UBE2D2: variants seen among roughly 807,000 people sequenced by gnomAD.
The protein encoded by UBE2D2 is ubiquitin-conjugating enzyme E2 D2.
A neutral mutation model predicts 24.2 loss-of-function variants in UBE2D2; 2 were observed. The ratio of observed to expected loss-of-function variants is 0.08; its 90% CI spans 0.03 to 0.26. UBE2D2 has a LOEUF of 0.26. Among genes scored for constraint, UBE2D2 ranks in the 10% least tolerant of loss-of-function variants. UBE2D2 has a pLI of 1.00. For synonymous variants in UBE2D2, 58 were observed against 56.5 expected (o/e 1.03, Z -0.12); for missense variants, 44 against 177.6 (o/e 0.25, Z 4.28).
At chr5:139,621,628 T>G (rs1419713409) in intron 5 of UBE2D2, among the ~76,000 whole-genome samples, 3 of 152,210 alleles carry the variant, frequency 2.0e-5, no homozygotes. Context: ...CTGTCTTTTT[T>G]TTTTTTCTTT....
Position 139,589,169 on chromosome 5 carries a change from G to A in UBE2D2, c.25-11203G>A, listed in dbSNP as rs114393748. On this transcript the variant is annotated intron_variant, in intron 1 of 6. Coordinates refer to ENST00000398733, the MANE Select transcript of UBE2D2 (RefSeq NM_003339.3). The stretch of plus-strand genomic sequence containing the variant: ...AGCTACTTGGGAGGCTGAAGTGGTA[G>A]AATTACTTGAGCCCAGGAATTCAAG... 9.9e-3 allele frequency among the ~76,000 whole-genome samples: 1,509 copies of A among 152,168 alleles called. 23 individuals carry two copies. Among genetic ancestry groups the A allele is most frequent in the African/African-American group, 0.034 (1,418 of 41,536 alleles).
upstream of UBE2D2, among the ~76,000 whole-genome samples, chr5:139,556,738 T>C (rs1357451704): frequency 1.3e-5 from 2 of 151,784 alleles, no homozygotes; most frequent in African/African-American, 2.4e-5. Context: ...GTAACTTTAT[T>C]CTAATAAATT....
intron 1 of UBE2D2, among the ~76,000 whole-genome samples, chr5:139,543,100 T>C (rs1252775131): frequency 6.6e-6 from 1 of 152,076 alleles, no homozygotes; most frequent in Non-Finnish European, 1.5e-5. Context: ...TTTCACCATG[T>C]TGGTCAGGCT....
At chr5:139,562,967 G>A (rs541772157) in intron 1 of UBE2D2, among the ~76,000 whole-genome samples, 2 of 152,094 alleles carry the variant, frequency 1.3e-5, no homozygotes, top group East Asian at 3.9e-4. Flanking sequence ...AGTGGAGAAC[G>A]GGGTCTTGCC....
intron 2 of UBE2D2, chr5:139,611,858 C>T (rs1399681578): frequency 2.0e-5 from 3 of 152,218 alleles, no homozygotes; most frequent in African/African-American, 7.2e-5. Flanking sequence ...ATTTCTGTCC[C>T]CTGTTTTTCC....
chr5:139,606,392 A>T (rs1228488552), intron 2 of UBE2D2, among the ~76,000 whole-genome samples: 1 of 151,764 alleles, frequency 6.6e-6, no homozygotes, highest in Non-Finnish European at 1.5e-5. Context: ...CGAACTCCTG[A>T]CCTCAGGTGA....
At chr5:139,573,278 G>T (rs1753393219) in intron 1 of UBE2D2, among the ~76,000 whole-genome samples, 1 of 148,248 alleles carries the variant, frequency 6.7e-6, no homozygotes, top group Non-Finnish European at 1.5e-5. Flanking sequence ...CTCCAGCCTG[G>T]ACGACAGAGC....
intron 1 of UBE2D2, among the ~76,000 whole-genome samples, chr5:139,595,633 C>T (rs535924340): frequency 6.6e-6 from 1 of 152,052 alleles, no homozygotes; most frequent in African/African-American, 2.4e-5. Flanking sequence ...TGTGCCCAGC[C>T]ATGATGACAA....
intron 1 of UBE2D2, among the ~76,000 whole-genome samples, chr5:139,534,166 C>T (rs1046090767): frequency 1.3e-5 from 2 of 151,966 alleles, no homozygotes; most frequent in African/African-American, 4.8e-5. Flanking sequence ...GGCACAGTGT[C>T]TCACACCTGT....
intron 2 of UBE2D2, among the ~76,000 whole-genome samples, chr5:139,605,312 G>C (rs1187811572): frequency 1.3e-5 from 2 of 152,082 alleles, no homozygotes; most frequent in Non-Finnish European, 2.9e-5. Context: ...GAAGTAAGCA[G>C]CCGGGCCCGG....
intron 2 of UBE2D2, among the ~76,000 whole-genome samples, chr5:139,604,770 C>T (rs960575339): frequency 6.6e-6 from 1 of 151,860 alleles, no homozygotes; most frequent in South Asian, 2.1e-4. Context: ...GTCCCACCTA[C>T]TCACAAGGCT....
intron 1 of UBE2D2, among the ~76,000 whole-genome samples, chr5:139,591,987 G>A (rs144164179): frequency 6.6e-6 from 1 of 152,188 alleles, no homozygotes; most frequent in African/African-American, 2.4e-5. Flanking sequence ...ATCCCTTGAG[G>A]TCAGGAGTTC....
At chr5:139,592,797 T>A (rs1753871504) in intron 1 of UBE2D2, among the ~76,000 whole-genome samples, 1 of 151,360 alleles carries the variant, frequency 6.6e-6, no homozygotes. Context: ...AGAGATGGCG[T>A]TTCACTGTGT....
intron 1 of UBE2D2, chr5:139,562,058 C>T (rs1753112450): frequency 1.2e-6 from 1 of 830,388 alleles, no homozygotes; most frequent in Non-Finnish European, 1.8e-6. Flanking sequence ...CCTTCCAGGC[C>T]CGCATGGTGT....
intron 1 of UBE2D2, among the ~76,000 whole-genome samples, chr5:139,537,462 A>G (rs1020041254): frequency 1.3e-5 from 2 of 151,900 alleles, no homozygotes; most frequent in African/African-American, 4.8e-5. Context: ...CCATTGCCAC[A>G]ATCACTTTTA....
intron 2 of UBE2D2, among the ~76,000 whole-genome samples, chr5:139,606,769 TG>T (rs1355816480): frequency 5.9e-5 from 9 of 152,142 alleles, no homozygotes; most frequent in African/African-American, 2.2e-4. Flanking sequence ...GTAACTATTT[TG>T]GGGGTCCTTT....
chr5:139,528,107 C>A (rs958687332), intron 1 of UBE2D2, among the ~76,000 whole-genome samples: 31 of 152,374 alleles, frequency 2.0e-4, no homozygotes, highest in South Asian at 8.3e-4. Flanking sequence ...AAGTTCACTT[C>A]GTGTCTCTCA....
At chr5:139,582,150 A>G (rs1161496636) in intron 1 of UBE2D2, among the ~76,000 whole-genome samples, 2 of 151,894 alleles carry the variant, frequency 1.3e-5, no homozygotes, top group East Asian at 1.9e-4. Flanking sequence ...ACTGCCGCCC[A>G]GCTAATTTTG....
intron 1 of UBE2D2, among the ~76,000 whole-genome samples, chr5:139,583,347 T>A (rs1366181357): frequency 6.6e-6 from 1 of 152,218 alleles, no homozygotes; most frequent in Non-Finnish European, 1.5e-5. Context: ...GAAGTAAGTA[T>A]GTGAAGTAAA....
Sources: allele counts gnomAD v4.1 joint callset (sites outside exome capture counted in the v4.1 genomes callset), GRCh38; gene constraint gnomAD v4.1.1; transcripts MANE v1.5; gene names NCBI Gene and HGNC (gene_info 2026-07-23, HGNC 2026-07-21).